The following CSMD1 variants were observed in gnomAD, a reference collection of about 807,000 sequenced individuals.
CSMD1 encodes CUB and sushi domain-containing protein 1.
In CSMD1, 213 loss-of-function variants were observed where a neutral mutation model predicts 417.5. The ratio of observed to expected loss-of-function variants is 0.51; its 90% CI spans 0.46 to 0.57. The LOEUF (loss-of-function observed/expected upper bound fraction) is 0.57. CSMD1 is among the 20% of genes least tolerant of loss of function. The pLI is 0.00. For missense variants in CSMD1, 6,923 were observed against 4,529.7 expected (o/e 1.53, Z -15.17); for synonymous variants, 2,862 against 1,736.8 (o/e 1.65, Z -16.11).
At chr8:3,299,865 T>C (rs1250941624) in intron 25 of CSMD1, among the ~76,000 whole-genome samples, 1 of 152,222 alleles carries the variant, frequency 6.6e-6, no homozygotes, top group Non-Finnish European at 1.5e-5. Context: ...AGAGAGAATG[T>C]AGAGACGCCC....
At chr8:3,927,358 G>T (rs777453902) in intron 5 of CSMD1, among the ~76,000 whole-genome samples, 21 of 151,854 alleles carry the variant, frequency 1.4e-4, no homozygotes, top group African/African-American at 3.6e-4. Context: ...AAAAGGAAAG[G>T]TATCACTGTA....
rs117579722 is a variant in CSMD1 at position 3,426,314 on chromosome 8, G to T, written c.1562-16709C>A. ...TCATCAATTTTTTTAAGTACCAGAG[G>T]TTATTTTGTTCCGTAGGTTACGTAT... On this transcript the variant is annotated intron_variant, in intron 12 of 69. Transcript: ENST00000635120. Among the ~76,000 whole-genome samples, 1,517 of 152,240 alleles carry T rather than the reference G, an allele frequency of 1.0e-2. 17 individuals are homozygous for T. The highest frequency in any genetic ancestry group is 0.013 in the Non-Finnish European group (912 of 68,006).
At chr8:4,269,119 T>C (rs1323485480) in intron 3 of CSMD1, among the ~76,000 whole-genome samples, 4 of 152,174 alleles carry the variant, frequency 2.6e-5, no homozygotes, top group East Asian at 3.9e-4. Context: ...TGCAGTGGTG[T>C]GATCTTGGCT....
At chr8:3,753,807 G>C (rs1164868054) in intron 6 of CSMD1, 123 bp downstream of exon 6, 2 of 608,676 alleles carry the variant, frequency 3.3e-6, no homozygotes, top group East Asian at 3.0e-5. Context: ...AGATAACTGT[G>C]AATAAAAGAA....
chr8:3,273,861 A>T (rs1802065923), intron 26 of CSMD1, among the ~76,000 whole-genome samples: 1 of 151,754 alleles, frequency 6.6e-6, no homozygotes, highest in Non-Finnish European at 1.5e-5. Flanking sequence ...AATTTTGTGG[A>T]TCCTTTCAAA....
intron 1 of CSMD1, among the ~76,000 whole-genome samples, chr8:4,721,387 T>C (rs1223348260): frequency 2.0e-5 from 3 of 152,142 alleles, no homozygotes; most frequent in Non-Finnish European, 2.9e-5. Context: ...CTAAGAATCA[T>C]CAAATATAAA....
chr8:4,085,806 T>C (rs558179087), intron 3 of CSMD1, among the ~76,000 whole-genome samples: 87 of 152,326 alleles, frequency 5.7e-4, no homozygotes, highest in Admixed American at 5.6e-3. Context: ...AAAGACACCA[T>C]GAAGCTTCCT....
At chr8:4,970,423 A>G (rs147023905) in intron 1 of CSMD1, among the ~76,000 whole-genome samples, 21 of 152,178 alleles carry the variant, frequency 1.4e-4, no homozygotes, top group Admixed American at 1.2e-3. Flanking sequence ...CTTTACAAAC[A>G]TAATTCATGA....
intron 1 of CSMD1, among the ~76,000 whole-genome samples, chr8:4,814,217 T>A (rs747309492): frequency 6.6e-6 from 1 of 151,090 alleles, no homozygotes; most frequent in Non-Finnish European, 1.5e-5. Context: ...TGTGTGTGTG[T>A]GCGTGTGCGT....
chr8:4,340,376 A>G (rs1400444807), intron 3 of CSMD1, among the ~76,000 whole-genome samples: 1 of 152,138 alleles, frequency 6.6e-6, no homozygotes, highest in Non-Finnish European at 1.5e-5. Flanking sequence ...AAAATGTAGA[A>G]AATAACACTC....
chr8:4,518,672 C>A (rs908765588), intron 2 of CSMD1, among the ~76,000 whole-genome samples: 1 of 148,070 alleles, frequency 6.8e-6, no homozygotes, highest in African/African-American at 2.4e-5. Flanking sequence ...TGCTAAATGA[C>A]GAGTTAACGG....
At chr8:3,030,526 G>T (rs886699978) in intron 50 of CSMD1, among the ~76,000 whole-genome samples, 17 of 152,054 alleles carry the variant, frequency 1.1e-4, no homozygotes, top group African/African-American at 4.1e-4. Flanking sequence ...TGCCAGGCTG[G>T]AGGGCAGTGG....
chr8:3,775,131 C>G (rs540385572), intron 5 of CSMD1, among the ~76,000 whole-genome samples: 1 of 152,272 alleles, frequency 6.6e-6, no homozygotes, highest in African/African-American at 2.4e-5. Context: ...CCGTAGGTAA[C>G]TGAAACTGCA....
intron 3 of CSMD1, among the ~76,000 whole-genome samples, chr8:4,332,116 T>G (rs567460439): frequency 6.6e-6 from 1 of 152,282 alleles, no homozygotes; most frequent in South Asian, 2.1e-4. Context: ...CACGCATAAT[T>G]CTACCCCAAA....
At chr8:3,247,595 C>G (rs570005197) in intron 26 of CSMD1, among the ~76,000 whole-genome samples, 11 of 152,206 alleles carry the variant, frequency 7.2e-5, no homozygotes, top group Admixed American at 3.3e-4. Context: ...TTCTCCCTTC[C>G]CTGTGGGGAG....
chr8:4,882,056 T>C (rs1216251081), intron 1 of CSMD1, among the ~76,000 whole-genome samples: 1 of 152,104 alleles, frequency 6.6e-6, no homozygotes, highest in Non-Finnish European at 1.5e-5. Flanking sequence ...TGAATTTCTG[T>C]TTTCTTATTT....
chr8:3,943,890 T>C (rs952984935), intron 5 of CSMD1, among the ~76,000 whole-genome samples: 4 of 152,140 alleles, frequency 2.6e-5, no homozygotes, highest in Non-Finnish European at 5.9e-5. Flanking sequence ...GGCAGCTAAA[T>C]GCAACCTGTG....
intron 25 of CSMD1, among the ~76,000 whole-genome samples, chr8:3,289,152 G>C (rs1803367628): frequency 6.8e-6 from 1 of 147,610 alleles, no homozygotes; most frequent in East Asian, 2.0e-4. Context: ...CAAAGCACAT[G>C]AACTCATCAT....
At chr8:3,656,661 C>A (rs1250070575) in intron 7 of CSMD1, among the ~76,000 whole-genome samples, 1 of 152,182 alleles carries the variant, frequency 6.6e-6, no homozygotes, top group African/African-American at 2.4e-5. Flanking sequence ...GGCGTGGTGG[C>A]TCACGCCTGT....
Sources: allele counts gnomAD v4.1 joint callset (sites outside exome capture counted in the v4.1 genomes callset), GRCh38; gene constraint gnomAD v4.1.1; transcripts MANE v1.5; gene names NCBI Gene and HGNC (gene_info 2026-07-23, HGNC 2026-07-21).